PCDHA10: variants seen among roughly 807,000 people sequenced by gnomAD.
PCDHA10 encodes protocadherin alpha 10, also known as protocadherin alpha-10.
PCDHA10 carries 45 observed loss-of-function variants against 61.2 expected under a neutral mutation model. The observed-to-expected ratio is 0.74, with a 90% CI of 0.58 to 0.94. The LOEUF is 0.94. Among genes scored for constraint, PCDHA10 ranks in the 40% least tolerant of loss-of-function variants. PCDHA10 has a pLI of 0.00. For synonymous variants in PCDHA10, 602 were observed against 548.8 expected (o/e 1.10, Z -1.35); for missense variants, 1,278 against 1,236.2 (o/e 1.03, Z -0.51).
intron 1 of PCDHA10, chr5:140,966,752 C>T (rs1013247328): frequency 3.5e-6 from 5 of 1,432,026 alleles, no homozygotes; most frequent in Non-Finnish European, 4.6e-6. Flanking sequence ...GCTGCCTCCG[C>T]CGCGGCCAGT....
intron 1 of PCDHA10, among the ~76,000 whole-genome samples, chr5:140,945,003 C>A (rs2093723763): frequency 6.6e-6 from 1 of 152,064 alleles, no homozygotes; most frequent in South Asian, 2.1e-4. Flanking sequence ...GGTTGTGGGT[C>A]ATGAATTATT....
intron 1 of PCDHA10, among the ~76,000 whole-genome samples, chr5:140,887,714 T>C (rs772328025): frequency 6.6e-6 from 1 of 152,220 alleles, no homozygotes; most frequent in Admixed American, 6.5e-5. Flanking sequence ...CTTCTTCTAA[T>C]AGTTTTTTCT....
At chr5:140,888,673 A>T (rs571585641) in intron 1 of PCDHA10, among the ~76,000 whole-genome samples, 1 of 152,298 alleles carries the variant, frequency 6.6e-6, no homozygotes, top group Admixed American at 6.5e-5. Context: ...TGCCCTGTGC[A>T]TTAAGAGGTC....
At position 140,885,065 on chromosome 5, in the gene PCDHA10, T is replaced by TA. The variant is rs1440762512; in HGVS notation, c.2388+26630dup. ...TTAATGTATACATATACCCACAAGATATTATTTTAAAGAGCCCCATAACTT... is the reference window on the plus strand; with the variant it reads ...TTAATGTATACATATACCCACAAGATAATTATTTTAAAGAGCCCCATAACTT... On this transcript the variant is annotated intron_variant, in intron 1 of 3. Coordinates refer to ENST00000307360, the MANE Select transcript of PCDHA10 (RefSeq NM_018901.4). Among the ~76,000 whole-genome samples the TA allele has an allele frequency of 7.2e-5, 11 of 152,294 alleles. 1 individual carries two copies. Among genetic ancestry groups the TA allele is most frequent in the African/African-American group, 2.6e-4 (11 of 41,580 alleles).
Position 140,858,285 on chromosome 5 carries a change from G to T in PCDHA10, c.2237G>T (p.Trp746Leu). ...TLVCSSAVGS[W>L]SYSQQRRQRV... ...GTGTGCTCTAGCGCGGTGGGGAGCT[G>T]GTCTTACTCGCAGCAGAGGCGGCAG... Residue 746 changes from tryptophan to leucine, a missense_variant, in exon 1 of 4, where the codon TGG becomes TTG. Trp to Leu is a moderately conservative substitution (Grantham distance 61). Coordinates refer to ENST00000307360, the MANE Select transcript of PCDHA10 (RefSeq NM_018901.4). The T allele has an allele frequency of 6.3e-7, 1 of 1,597,520 alleles. No homozygotes were observed. Among genetic ancestry groups the T allele is most frequent in the Non-Finnish European group, 8.6e-7 (1 of 1,167,302 alleles).
intron 2 of PCDHA10, among the ~76,000 whole-genome samples, 188 bp downstream of exon 2, chr5:140,979,195 T>C (rs1554240340): frequency 1.3e-5 from 2 of 152,232 alleles, no homozygotes; most frequent in African/African-American, 4.8e-5. Context: ...GCCAGATGCT[T>C]ATCAAGTGCT....
At chr5:140,895,481 A>G (rs1344099308) in intron 1 of PCDHA10, among the ~76,000 whole-genome samples, 1 of 152,168 alleles carries the variant, frequency 6.6e-6, no homozygotes, top group African/African-American at 2.4e-5. Flanking sequence ...CTTCGGAGAA[A>G]TACCTATTCA....
intron 1 of PCDHA10, among the ~76,000 whole-genome samples, chr5:140,961,483 G>A (rs1365864551): frequency 6.6e-6 from 1 of 152,090 alleles, no homozygotes; most frequent in Non-Finnish European, 1.5e-5. Context: ...TCTTGTCCAC[G>A]TGAGTATATT....
Position 140,993,501 on chromosome 5 carries a change from C to T in PCDHA10, c.2536+10938C>T, listed in dbSNP as rs560043353. Among the ~76,000 whole-genome samples, 25 of 149,100 alleles carry T rather than the reference C, an allele frequency of 1.7e-4. No homozygotes were observed. The East Asian group carries it at 3.5e-3, about 21-fold the overall frequency. ...ACACACACACACACACACACACACA[C>T]ACACACACGGGGAGAGAGAGACAGA... On this transcript the variant is annotated intron_variant, in intron 3 of 3. Transcript: ENST00000307360.
rs782706939 is a variant in PCDHA10 at position 140,967,257 on chromosome 5, G to C, written c.2389-11692G>C. ...CAGGTAAGCGAATCGGTGGCGCCTG[G>C]AGCGCGCTTTCACATAGAGAGTGCG... is the stretch of plus-strand genomic sequence containing the variant. On this transcript the variant is annotated intron_variant, in intron 1 of 3. Coordinates refer to ENST00000307360, the MANE Select transcript of PCDHA10 (RefSeq NM_018901.4). 1.9e-6 allele frequency: 3 copies of C among 1,613,486 alleles called. No individual in the cohort carries two copies. The highest frequency in any genetic ancestry group is 1.3e-5 in the African/African-American group (1 of 75,062).
At chr5:140,973,007 G>T (rs2096567856) in intron 1 of PCDHA10, among the ~76,000 whole-genome samples, 1 of 152,160 alleles carries the variant, frequency 6.6e-6, no homozygotes, top group Non-Finnish European at 1.5e-5. Context: ...TGTGGTCGTG[G>T]TGTTGTGATT....
At chr5:140,918,941 T>C (rs1476342004) in intron 1 of PCDHA10, among the ~76,000 whole-genome samples, 1 of 152,228 alleles carries the variant, frequency 6.6e-6, no homozygotes, top group East Asian at 1.9e-4. Context: ...TTTGTTATAA[T>C]ATCCTGAACA....
intron 1 of PCDHA10, chr5:140,927,429 C>T: frequency 6.2e-7 from 1 of 1,614,118 alleles, no homozygotes; most frequent in Non-Finnish European, 8.5e-7. Flanking sequence ...GGGTTGACGG[C>T]AGCGAATACC....
At chr5:140,895,875 G>A (rs1277056649) in intron 1 of PCDHA10, among the ~76,000 whole-genome samples, 5 of 152,060 alleles carry the variant, frequency 3.3e-5, no homozygotes, top group African/African-American at 7.2e-5. Context: ...GCAATGGCGC[G>A]ATCTCGGCTC....
rs545409584 is a variant in PCDHA10, at chr5:140,952,105, G to A, written c.2389-26844G>A. 3.3e-5 allele frequency among the ~76,000 whole-genome samples: 5 copies of A among 152,218 alleles called. 1 individual carries two copies. Among genetic ancestry groups the A allele is most frequent in the African/African-American group, 4.8e-5 (2 of 41,536 alleles). ...CATGTCTCACATCCAGGGCACACTC[G>A]TGTGAGGGATGGGCTCCCAAGGCCT... is the stretch of plus-strand genomic sequence containing the variant. On this transcript the variant is annotated intron_variant, in intron 1 of 3. Coordinates refer to ENST00000307360, the MANE Select transcript of PCDHA10 (RefSeq NM_018901.4).
chr5:140,855,985 T>C lies in PCDHA10; in HGVS notation c.-64T>C, dbSNP rs1308397078. 1.4e-6 allele frequency: 2 copies of C among 1,473,214 alleles called. No homozygotes were observed. The highest frequency in any genetic ancestry group is 2.3e-5 in the East Asian group (1 of 44,074). 91.3% of individuals were successfully genotyped at this position (1,473,214 alleles called of 1,614,324 possible). A position where few individuals can be genotyped will look rare whatever the true frequency, so the allele number is the denominator to read the frequency against. On this transcript the variant is annotated 5_prime_UTR_variant, in exon 1 of 4. An upstream start codon of the reference 5' UTR is lost. Transcript: ENST00000307360. ...TAGATATAAGAAATAGGACAGAAAA[T>C]GTCAGATCGTATGTGCGTTCTAGAC...
chr5:140,995,184 T>G (rs1382886542), intron 3 of PCDHA10, among the ~76,000 whole-genome samples: 3 of 152,168 alleles, frequency 2.0e-5, no homozygotes, highest in African/African-American at 7.2e-5. Flanking sequence ...GCACCTATGA[T>G]AAAGTTTAAT....
chr5:140,920,400 T>C (rs1185930806), intron 1 of PCDHA10, among the ~76,000 whole-genome samples: 1 of 152,244 alleles, frequency 6.6e-6, no homozygotes, highest in Non-Finnish European at 1.5e-5. Context: ...TGGTGTCTTT[T>C]TTTAATCAGA....
rs1220718510 is a variant in PCDHA10, at chr5:140,898,104, A to T, written c.2388+39668A>T. 2.0e-5 allele frequency among the ~76,000 whole-genome samples: 3 copies of T among 152,110 alleles called. No individual in the cohort carries two copies. In the South Asian group the frequency reaches 6.2e-4, roughly 32 times the overall value. On this transcript the variant is annotated intron_variant, in intron 1 of 3. Coordinates refer to ENST00000307360, the MANE Select transcript of PCDHA10 (RefSeq NM_018901.4). Reference sequence around the variant, plus strand: ...CTGGATATTAGCCCTTTGTCAGATGAGTAGGTTGCGAAAATTTTCTCCCAT... The same window carrying T: ...CTGGATATTAGCCCTTTGTCAGATGTGTAGGTTGCGAAAATTTTCTCCCAT...
Sources: allele counts gnomAD v4.1 joint callset (sites outside exome capture counted in the v4.1 genomes callset), GRCh38; gene constraint gnomAD v4.1.1; transcripts MANE v1.5; gene names NCBI Gene and HGNC (gene_info 2026-07-23, HGNC 2026-07-21).